The following LCE1A variants were observed in gnomAD, a reference collection of about 807,000 sequenced individuals.
LCE1A encodes late cornified envelope protein 1A.
For synonymous variants in LCE1A, 59 were observed against 53.8 expected (o/e 1.10, Z -0.43); for missense variants, 138 against 140.0 (o/e 0.99, Z 0.07).
At position 152,827,817 on chromosome 1, in the gene LCE1A, C is replaced by A; in HGVS notation, c.*12C>A. The A allele has an allele frequency of 6.4e-7, 1 of 1,569,212 alleles. No homozygotes were observed. The highest frequency in any genetic ancestry group is 8.6e-7 in the Non-Finnish European group (1 of 1,158,928). On this transcript the variant is annotated 3_prime_UTR_variant, in exon 1 of 1. Coordinates refer to ENST00000335123, the MANE Select transcript of LCE1A (RefSeq NM_178348.2). ...GAGGCTGCTGCTGAAGCGGACTCTG[C>A]ACCTAGAAGAGCAGACTCGGGTGAA...
rs1053062096 is a variant in LCE1A at position 152,827,800 on chromosome 1, T to C, written c.328T>C (p.Cys110Arg). 6.3e-7 allele frequency: 1 copy of C among 1,592,106 alleles called. No homozygotes were observed. Among genetic ancestry groups the C allele is most frequent in the Non-Finnish European group, 8.6e-7 (1 of 1,169,070 alleles). The change falls in exon 1 of 1, where the codon TGC becomes CGC. Residue 110 changes from cysteine to arginine, a missense_variant. Transcript: ENST00000335123. ...CAGCGGCCAGCACTCTGGAGGCTGCTGCTGAAGCGGACTCTGCACCTAGAA... is the reference window on the plus strand; with the variant it reads ...CAGCGGCCAGCACTCTGGAGGCTGCCGCTGAAGCGGACTCTGCACCTAGAA... ...GDSGQHSGGC[C>R] is the part of the protein sequence containing the mutation.
At position 152,827,711 on chromosome 1, in the gene LCE1A, A is replaced by G. The variant is rs774658784; in HGVS notation, c.239A>G (p.His80Arg). 2.8e-5 allele frequency: 45 copies of G among 1,613,806 alleles called. No homozygotes were observed. Among genetic ancestry groups the G allele is most frequent in the Middle Eastern group, 1.7e-4 (1 of 5,962 alleles). Residue 80 changes from histidine (H) to arginine (R), a missense_variant, in exon 1 of 1, where the codon CAC becomes CGC. By Grantham distance (29) the His-to-Arg change is conservative. Coordinates refer to ENST00000335123, the MANE Select transcript of LCE1A (RefSeq NM_178348.2). The part of the protein sequence containing the change: ...SHHRRHRSHR[H>R]RLQSSGCCSQ... ...CACAGGCGCCACAGGTCCCACCGTCACAGACTCCAGAGCTCTGGCTGCTGC... is the reference window on the plus strand; with the variant it reads ...CACAGGCGCCACAGGTCCCACCGTCGCAGACTCCAGAGCTCTGGCTGCTGC...
Position 152,827,835 on chromosome 1 carries a change from C to T in LCE1A, c.*30C>T, listed in dbSNP as rs750496811. The T allele has an allele frequency of 9.1e-6, 14 of 1,542,606 alleles. No individual in the cohort carries two copies. Among genetic ancestry groups the T allele is most frequent in the African/African-American group, 2.8e-5 (2 of 72,442 alleles). The stretch of plus-strand genomic sequence containing the variant: ...GACTCTGCACCTAGAAGAGCAGACT[C>T]GGGTGAAATGAGTGATCAAACATTT... On this transcript the variant is annotated 3_prime_UTR_variant, in exon 1 of 1. Coordinates refer to ENST00000335123, the MANE Select transcript of LCE1A (RefSeq NM_178348.2).
chr1:152,827,576 C>T lies in LCE1A; in HGVS notation c.104C>T (p.Pro35Leu), dbSNP rs1557844669. The T allele has an allele frequency of 1.9e-6, 3 of 1,613,600 alleles. No individual in the cohort carries two copies. The highest frequency in any genetic ancestry group is 4.5e-5 in the East Asian group (2 of 44,816). Reference sequence around the variant, plus strand: ...CCTAAGTGCCCCCCAAAGTGTCCCCCTAAGTGCCCTCCAGTCTCTTCCTGC... The same window carrying T: ...CCTAAGTGCCCCCCAAAGTGTCCCCTTAAGTGCCCTCCAGTCTCTTCCTGC... ...PTPKCPPKCP[P>L]KCPPVSSCCS... The change falls in exon 1 of 1, where the codon CCT (proline) becomes CTT (leucine). Residue 35 changes from proline to leucine, a missense_variant. Pro to Leu is a moderately conservative substitution (Grantham distance 98). Transcript: ENST00000335123.
At position 152,827,976 on chromosome 1, in the gene LCE1A, C is replaced by A; in HGVS notation, c.*171C>A. The A allele has an allele frequency of 1.3e-6, 1 of 762,934 alleles. No individual in the cohort carries two copies. Among genetic ancestry groups the A allele is most frequent in the Non-Finnish European group, 2.1e-6 (1 of 479,480 alleles). 47.3% of individuals were successfully genotyped at this position (762,934 alleles called of 1,614,324 possible). A position where few individuals can be genotyped will look rare whatever the true frequency, so the allele number is the denominator to read the frequency against. ...TGGGATCCAGAAACTTGATTCTTCTCCCACAAACCTATCTGCTGCCCCTGA... is the reference window on the plus strand; with the variant it reads ...TGGGATCCAGAAACTTGATTCTTCTACCACAAACCTATCTGCTGCCCCTGA... On this transcript the variant is annotated 3_prime_UTR_variant, in exon 1 of 1. Transcript: ENST00000335123.
Position 152,827,693 on chromosome 1 carries a change from G to C in LCE1A, c.221G>C (p.Arg74Pro), listed in dbSNP as rs536264214. ...GGCTGCTGCCTGAGCCACCACAGGC[G>C]CCACAGGTCCCACCGTCACAGACTC... ...GGGCCLSHHR[R>P]HRSHRHRLQS... The change falls in exon 1 of 1, where the codon CGC (arginine) becomes CCC (proline). Residue 74 changes from arginine (R) to proline (P), a missense_variant. Transcript: ENST00000335123. 19 of 1,613,722 alleles carry C rather than the reference G, an allele frequency of 1.2e-5. No individual in the cohort carries two copies. The highest frequency in any genetic ancestry group is 1.5e-5 in the Non-Finnish European group (18 of 1,179,970).
At position 152,827,662 on chromosome 1, in the gene LCE1A, G is replaced by A. The variant is rs746980649; in HGVS notation, c.190G>A (p.Gly64Arg). 4 of 1,613,908 alleles carry A rather than the reference G, an allele frequency of 2.5e-6. No individual in the cohort carries two copies. Among genetic ancestry groups the A allele is most frequent in the African/African-American group, 1.3e-5 (1 of 74,910 alleles). ...CTCTGGGGGCGGCTGCAGCTCTGGG[G>A]GAGGTGGCTGCTGCCTGAGCCACCA... ...SSSGGGCSSG[G>R]GGCCLSHHRR... is the part of the protein sequence containing the mutation. Residue 64 changes from glycine (G) to arginine (R), a missense_variant, in exon 1 of 1, where the codon GGA becomes AGA. By Grantham distance (125) the Gly-to-Arg change is moderately radical. Transcript: ENST00000335123.
In LCE1A at chr1:152,827,523, C is replaced by T. The variant is rs1373375352; in HGVS notation, c.51C>T (p.Thr17=). The T allele has an allele frequency of 1.2e-5, 19 of 1,613,460 alleles. No individual in the cohort carries two copies. Among genetic ancestry groups the T allele is most frequent in the Admixed American group, 1.7e-5 (1 of 59,974 alleles). Residue 17 remains threonine (T), a synonymous_variant, in exon 1 of 1, where the codon ACC becomes ACT. Transcript: ENST00000335123. ...AGTGCCAGCCCCCTCCCAAGTGCAC[C>T]CCCAAGTGCCCTCCCAAGTGCCCCA... The part of the protein sequence containing the change: ...QQQCQPPPKC[T]PKCPPKCPTP...
chr1:152,827,771 G>C lies in LCE1A; in HGVS notation c.299G>C (p.Gly100Ala), dbSNP rs1457031496. 4.3e-6 allele frequency: 7 copies of C among 1,610,680 alleles called. No individual in the cohort carries two copies. Among genetic ancestry groups the C allele is most frequent in the Non-Finnish European group, 5.1e-6 (6 of 1,178,030 alleles). ...TCGGGAGGCTCCAGCTGCTGTGGAGGGGACAGCGGCCAGCACTCTGGAGGC... is the reference window on the plus strand; with the variant it reads ...TCGGGAGGCTCCAGCTGCTGTGGAGCGGACAGCGGCCAGCACTCTGGAGGC... ...QPSGGSSCCGGDSGQHSGGCC is the reference protein window; with the variant it reads ...QPSGGSSCCGADSGQHSGGCC The change falls in exon 1 of 1, where the codon GGG (glycine) becomes GCG (alanine). Residue 100 changes from glycine to alanine, a missense_variant. Gly to Ala is a moderately conservative substitution (Grantham distance 60, BLOSUM62 0). Coordinates refer to ENST00000335123, the MANE Select transcript of LCE1A (RefSeq NM_178348.2).
rs1216848086 is a variant in LCE1A at position 152,827,864 on chromosome 1, C to T, written c.*59C>T. 6.7e-7 allele frequency: 1 copy of T among 1,491,700 alleles called. No individual in the cohort carries two copies. The highest frequency in any genetic ancestry group is 8.9e-7 in the Non-Finnish European group (1 of 1,118,250). The allele number at this position is 1,491,700 out of a possible 1,614,324, so 92.4% of individuals were successfully genotyped here. ...TGAAATGAGTGATCAAACATTTCCT[C>T]CTCACCTGTCTCCTCCTGGGCCTGC... is the stretch of plus-strand genomic sequence containing the variant. On this transcript the variant is annotated 3_prime_UTR_variant, in exon 1 of 1. Coordinates refer to ENST00000335123, the MANE Select transcript of LCE1A (RefSeq NM_178348.2).
chr1:152,827,631 C>T lies in LCE1A; in HGVS notation c.159C>T (p.Gly53=). ...GTGTCAGCTCCGGAGGCTGCTGTGG[C>T]TCCAGCTCTGGGGGCGGCTGCAGCT... ...CCSVSSGGCC[G]SSSGGGCSSG... Residue 53 remains glycine, a synonymous_variant, in exon 1 of 1, where the codon GGC becomes GGT. Coordinates refer to ENST00000335123, the MANE Select transcript of LCE1A (RefSeq NM_178348.2). 8 of 1,613,944 alleles carry T rather than the reference C, an allele frequency of 5.0e-6. No individual in the cohort carries two copies. The highest frequency in any genetic ancestry group is 6.8e-6 in the Non-Finnish European group (8 of 1,179,976).
In LCE1A at chr1:152,827,600, G is replaced by T; in HGVS notation, c.128G>T (p.Cys43Phe). The T allele has an allele frequency of 6.2e-7, 1 of 1,610,920 alleles. No homozygotes were observed. The highest frequency in any genetic ancestry group is 8.5e-7 in the Non-Finnish European group (1 of 1,179,722). Residue 43 changes from cysteine (C) to phenylalanine (F), a missense_variant, in exon 1 of 1, where the codon TGC becomes TTC. By Grantham distance (205) the Cys-to-Phe change is radical (BLOSUM62 -2). Transcript: ENST00000335123. The stretch of plus-strand genomic sequence containing the variant: ...CCTAAGTGCCCTCCAGTCTCTTCCT[G>T]CTGCAGTGTCAGCTCCGGAGGCTGC... ...CPPKCPPVSSCCSVSSGGCCG... is the reference protein window; with the variant it reads ...CPPKCPPVSSFCSVSSGGCCG...
At position 152,827,994 on chromosome 1, in the gene LCE1A, G is replaced by T; in HGVS notation, c.*189G>T. On this transcript the variant is annotated 3_prime_UTR_variant, in exon 1 of 1. Coordinates refer to ENST00000335123, the MANE Select transcript of LCE1A (RefSeq NM_178348.2). ...TTCTTCTCCCACAAACCTATCTGCTGCCCCTGACACCAACTGTGTTGTCTA... is the reference window on the plus strand; with the variant it reads ...TTCTTCTCCCACAAACCTATCTGCTTCCCCTGACACCAACTGTGTTGTCTA... The T allele has an allele frequency of 3.0e-6, 2 of 662,284 alleles. No homozygotes were observed. The highest frequency in any genetic ancestry group is 5.1e-6 in the Non-Finnish European group (2 of 390,258). The allele number at this position is 662,284 out of a possible 1,614,324, so 41.0% of individuals were successfully genotyped here.
At position 152,827,732 on chromosome 1, in the gene LCE1A, G is replaced by C. The variant is rs1647396917; in HGVS notation, c.260G>C (p.Cys87Ser). The C allele has an allele frequency of 6.2e-7, 1 of 1,613,450 alleles. No individual in the cohort carries two copies. The highest frequency in any genetic ancestry group is 1.3e-5 in the African/African-American group (1 of 74,890). ...SHRHRLQSSG[C>S]CSQPSGGSSC... ...CGTCACAGACTCCAGAGCTCTGGCT[G>C]CTGCAGCCAGCCCTCGGGAGGCTCC... Residue 87 changes from cysteine (C) to serine (S), a missense_variant, in exon 1 of 1, where the codon TGC becomes TCC. Coordinates refer to ENST00000335123, the MANE Select transcript of LCE1A (RefSeq NM_178348.2).
rs1421999345 is a variant in LCE1A, at chr1:152,827,534, C to T, written c.62C>T (p.Pro21Leu). The T allele has an allele frequency of 1.9e-6, 3 of 1,613,320 alleles. No individual in the cohort carries two copies. Among genetic ancestry groups the T allele is most frequent in the Non-Finnish European group, 2.5e-6 (3 of 1,179,872 alleles). The stretch of plus-strand genomic sequence containing the variant: ...CCTCCCAAGTGCACCCCCAAGTGCC[C>T]TCCCAAGTGCCCCACTCCTAAGTGC... ...QPPPKCTPKC[P>L]PKCPTPKCPP... Residue 21 changes from proline to leucine, a missense_variant, in exon 1 of 1, where the codon CCT becomes CTT. By Grantham distance (98) the Pro-to-Leu change is moderately conservative (BLOSUM62 -3). Transcript: ENST00000335123.
Position 152,827,886 on chromosome 1 carries a change from C to A in LCE1A, c.*81C>A. ...CCTCCTCACCTGTCTCCTCCTGGGCCTGCAAGAGTGGCTGAGATGCCCGCG... is the reference window on the plus strand; with the variant it reads ...CCTCCTCACCTGTCTCCTCCTGGGCATGCAAGAGTGGCTGAGATGCCCGCG... On this transcript the variant is annotated 3_prime_UTR_variant, in exon 1 of 1. Transcript: ENST00000335123. The A allele has an allele frequency of 1.4e-6, 2 of 1,437,742 alleles. No individual in the cohort carries two copies. The highest frequency in any genetic ancestry group is 2.7e-5 in the Admixed American group (1 of 37,088). 89.1% of individuals were successfully genotyped at this position (1,437,742 alleles called of 1,614,324 possible).
chr1:152,828,076 G>C lies in LCE1A; in HGVS notation c.*271G>C, dbSNP rs78134937. Among the ~76,000 whole-genome samples, 521 of 152,292 alleles carry C rather than the reference G, an allele frequency of 3.4e-3. 2 individuals carry two copies. Among genetic ancestry groups the C allele is most frequent in the African/African-American group, 0.012 (491 of 41,552 alleles). Reference sequence around the variant, plus strand: ...CAGCTCATTTCCTGCAGCCTCAAGTGAAACAATAAAGCAAAAGATCTTCTT... The same window carrying C: ...CAGCTCATTTCCTGCAGCCTCAAGTCAAACAATAAAGCAAAAGATCTTCTT... On this transcript the variant is annotated 3_prime_UTR_variant, in exon 1 of 1. Coordinates refer to ENST00000335123, the MANE Select transcript of LCE1A (RefSeq NM_178348.2).
In LCE1A at chr1:152,827,709, TCA is replaced by T; in HGVS notation, c.240_241del (p.His80GlnfsTer45). The T allele has an allele frequency of 1.2e-6, 2 of 1,612,178 alleles. No individual in the cohort carries two copies. The highest frequency in any genetic ancestry group is 1.7e-6 in the Non-Finnish European group (2 of 1,179,826). On this transcript the variant is annotated frameshift_variant, in exon 1 of 1. Coordinates refer to ENST00000335123, the MANE Select transcript of LCE1A (RefSeq NM_178348.2). LOFTEE classifies it high-confidence loss of function. ...ACCACAGGCGCCACAGGTCCCACCG[TCA>T]CAGACTCCAGAGCTCTGGCTGCTGC... ...SHHRRHRSHR[H>X]RLQSSGCCSQ...
In LCE1A at chr1:152,827,773, G is replaced by T; in HGVS notation, c.301G>T (p.Asp101Tyr). 6.2e-7 allele frequency: 1 copy of T among 1,610,608 alleles called. No homozygotes were observed. The highest frequency in any genetic ancestry group is 2.2e-5 in the East Asian group (1 of 44,826). ...PSGGSSCCGG[D>Y]SGQHSGGCC ...GGGAGGCTCCAGCTGCTGTGGAGGG[G>T]ACAGCGGCCAGCACTCTGGAGGCTG... is the stretch of plus-strand genomic sequence containing the variant. The change falls in exon 1 of 1, where the codon GAC becomes TAC. Residue 101 changes from aspartate to tyrosine, a missense_variant. By Grantham distance (160) the Asp-to-Tyr change is radical. Coordinates refer to ENST00000335123, the MANE Select transcript of LCE1A (RefSeq NM_178348.2).
Sources: allele counts gnomAD v4.1 joint callset (sites outside exome capture counted in the v4.1 genomes callset), GRCh38; gene constraint gnomAD v4.1.1; transcripts MANE v1.5; gene names NCBI Gene and HGNC (gene_info 2026-07-23, HGNC 2026-07-21).